The following NALF1 variants were observed in gnomAD, a reference collection of about 807,000 sequenced individuals.
NALF1 encodes family with sequence similarity 155 member A.
A neutral mutation model predicts 48.4 loss-of-function variants in NALF1; 3 were observed. The observed-to-expected ratio is 0.06, with a 90% CI of 0.03 to 0.16. NALF1 has a LOEUF of 0.16. NALF1 is among the 10% of genes least tolerant of loss of function. NALF1 has a pLI of 1.00. For synonymous variants in NALF1, 262 were observed against 245.7 expected (o/e 1.07, Z -0.62); for missense variants, 526 against 571.5 (o/e 0.92, Z 0.81).
intron 1 of NALF1, among the ~76,000 whole-genome samples, chr13:107,721,416 G>A (rs1391771351): frequency 3.3e-5 from 5 of 152,152 alleles, no homozygotes; most frequent in Non-Finnish European, 7.4e-5. Flanking sequence ...GGGAGGCAGA[G>A]TCAATACCTA....
chr13:107,752,481 A>G (rs1339464895), intron 1 of NALF1, among the ~76,000 whole-genome samples: 2 of 152,154 alleles, frequency 1.3e-5, no homozygotes, highest in African/African-American at 4.8e-5. Context: ...AAATGGATAG[A>G]ACAAAATATG....
chr13:107,224,591 AC>A (rs1260025247), intron 1 of NALF1, among the ~76,000 whole-genome samples: 1 of 152,080 alleles, frequency 6.6e-6, no homozygotes, highest in African/African-American at 2.4e-5. Context: ...TTTAAAACTA[AC>A]CATTTACTTT....
intron 1 of NALF1, among the ~76,000 whole-genome samples, chr13:107,535,767 A>G (rs1368040595): frequency 6.6e-6 from 1 of 152,200 alleles, no homozygotes; most frequent in Non-Finnish European, 1.5e-5. Context: ...CCACATTGCC[A>G]AGACAATCCT....
At chr13:107,758,727 AAAAAAT>A (rs1375294490) in intron 1 of NALF1, among the ~76,000 whole-genome samples, 8 of 151,984 alleles carry the variant, frequency 5.3e-5, no homozygotes, top group East Asian at 2.0e-4. Flanking sequence ...CTCAAAAAGA[AAAAAAT>A]AAAAAGAAAA....
At chr13:107,448,012 T>G (rs757599506) in intron 1 of NALF1, among the ~76,000 whole-genome samples, 1 of 152,122 alleles carries the variant, frequency 6.6e-6, no homozygotes, top group African/African-American at 2.4e-5. Context: ...ACAGGGCAAC[T>G]TTGACCCCTC....
intron 1 of NALF1, among the ~76,000 whole-genome samples, chr13:107,738,370 C>G (rs1246095683): frequency 6.6e-6 from 1 of 152,156 alleles, no homozygotes; most frequent in African/African-American, 2.4e-5. Flanking sequence ...GATCTTAAAT[C>G]CATTGGTCCA....
At chr13:107,376,752 T>C (rs1411076984) in intron 1 of NALF1, among the ~76,000 whole-genome samples, 1 of 152,198 alleles carries the variant, frequency 6.6e-6, no homozygotes, top group Non-Finnish European at 1.5e-5. Flanking sequence ...GATAAGGCTG[T>C]AACCCACACA....
chr13:107,532,128 C>T (rs1171151734), intron 1 of NALF1, among the ~76,000 whole-genome samples: 1 of 152,052 alleles, frequency 6.6e-6, no homozygotes, highest in Admixed American at 6.6e-5. Flanking sequence ...GTGCTAGGTT[C>T]TCCTCCAAGT....
At chr13:107,704,540 T>G (rs1289840058) in intron 1 of NALF1, among the ~76,000 whole-genome samples, 3 of 152,152 alleles carry the variant, frequency 2.0e-5, no homozygotes, top group Non-Finnish European at 2.9e-5. Flanking sequence ...CAGTTGATAT[T>G]GGTACCTCAC....
chr13:107,599,714 T>C (rs1878869084), intron 1 of NALF1, among the ~76,000 whole-genome samples: 1 of 152,222 alleles, frequency 6.6e-6, no homozygotes. Flanking sequence ...TATCCAGTCT[T>C]CTGTGAATTT....
intron 1 of NALF1, among the ~76,000 whole-genome samples, chr13:107,228,827 G>T (rs915935100): frequency 6.6e-6 from 1 of 152,008 alleles, no homozygotes; most frequent in African/African-American, 2.4e-5. Context: ...CACCATGTTG[G>T]CCAGGCTGGT....
At chr13:107,855,571 G>A (rs1329898039) in intron 1 of NALF1, among the ~76,000 whole-genome samples, 1 of 152,102 alleles carries the variant, frequency 6.6e-6, no homozygotes, top group Non-Finnish European at 1.5e-5. Context: ...CACTCCTGCT[G>A]TTCTCCTCCA....
At chr13:107,541,076 A>C (rs73591164) in intron 1 of NALF1, among the ~76,000 whole-genome samples, 17,165 of 152,196 alleles carry the variant, frequency 0.11, 1,319 homozygotes, top group Admixed American at 0.19. Context: ...ACAAAAACTG[A>C]AAAGCAAGAT....
intron 1 of NALF1, among the ~76,000 whole-genome samples, chr13:107,747,623 T>C (rs1397403319): frequency 2.0e-5 from 3 of 152,208 alleles, no homozygotes; most frequent in Non-Finnish European, 2.9e-5. Flanking sequence ...CCACACTCGA[T>C]AGTCTATGTG....
chr13:107,378,673 A>T (rs1883381064), intron 1 of NALF1, among the ~76,000 whole-genome samples: 1 of 152,162 alleles, frequency 6.6e-6, no homozygotes, highest in Non-Finnish European at 1.5e-5. Flanking sequence ...AAAAATTTGA[A>T]ATATTGAACA....
chr13:107,405,763 A>G (rs1050730867), intron 1 of NALF1, among the ~76,000 whole-genome samples: 3 of 152,064 alleles, frequency 2.0e-5, no homozygotes, highest in Non-Finnish European at 4.4e-5. Flanking sequence ...CACTAGTCTT[A>G]TGTGTTAAAA....
intron 1 of NALF1, among the ~76,000 whole-genome samples, chr13:107,412,879 A>G (rs1224152800): frequency 6.6e-6 from 1 of 152,198 alleles, no homozygotes; most frequent in Non-Finnish European, 1.5e-5. Context: ...AACTTACACA[A>G]TCTTCCCTTT....
intron 1 of NALF1, among the ~76,000 whole-genome samples, chr13:107,549,478 A>C (rs112729166): frequency 6.6e-6 from 1 of 152,164 alleles, no homozygotes; most frequent in Non-Finnish European, 1.5e-5. Context: ...ACTACATACA[A>C]ATTTCAGTCT....
chr13:107,798,305 C>T (rs1001244403), intron 1 of NALF1, among the ~76,000 whole-genome samples: 7 of 152,068 alleles, frequency 4.6e-5, no homozygotes, highest in African/African-American at 1.7e-4. Context: ...ATATATGTTG[C>T]CAGTTTAGTA....
Sources: gnomAD v4.1 joint callset for allele counts (sites outside exome capture counted in the v4.1 genomes callset) on GRCh38, gnomAD v4.1.1 for gene constraint, MANE v1.5 for transcripts, NCBI Gene and HGNC (gene_info 2026-07-23, HGNC 2026-07-21) for gene names.